The following CTNND2 variants were observed in gnomAD, a reference collection of about 807,000 sequenced individuals.
CTNND2 encodes catenin delta 2, also known as catenin delta-2.
CTNND2 carries 22 observed loss-of-function variants against 144.4 expected under a neutral mutation model. That is an observed-to-expected ratio of 0.15 (90% CI 0.11 to 0.22). The LOEUF (loss-of-function observed/expected upper bound fraction) is 0.22. Among genes scored for constraint, CTNND2 ranks in the 10% least tolerant of loss-of-function variants. CTNND2 has a pLI of 1.00. For synonymous variants in CTNND2, 751 were observed against 695.6 expected (o/e 1.08, Z -1.25); for missense variants, 1,353 against 1,618.8 (o/e 0.84, Z 2.82).
At chr5:11,052,918 T>A (rs1745985590) in intron 16 of CTNND2, among the ~76,000 whole-genome samples, 1 of 152,188 alleles carries the variant, frequency 6.6e-6, no homozygotes, top group African/African-American at 2.4e-5. Context: ...TCTGTGTTCA[T>A]AATGCTTTTT....
At chr5:11,402,250 T>C (rs577472048) in intron 5 of CTNND2, among the ~76,000 whole-genome samples, 17 of 152,300 alleles carry the variant, frequency 1.1e-4, no homozygotes, top group Admixed American at 1.0e-3. Context: ...TCAAAACTCA[T>C]TCTCAAACTT....
chr5:11,644,630 C>T (rs989911843), intron 2 of CTNND2, among the ~76,000 whole-genome samples: 9 of 149,780 alleles, frequency 6.0e-5, no homozygotes, highest in Non-Finnish European at 1.2e-4. Context: ...GCCAAGATCA[C>T]GCCACTGCAC....
intron 17 of CTNND2, among the ~76,000 whole-genome samples, chr5:11,022,116 C>A (rs1742320944): frequency 6.6e-6 from 1 of 152,162 alleles, no homozygotes; most frequent in Non-Finnish European, 1.5e-5. Context: ...GTTCTATCTG[C>A]ACGAAGGCCC....
intron 11 of CTNND2, among the ~76,000 whole-genome samples, chr5:11,162,638 A>G (rs375598602): frequency 1.3e-5 from 2 of 152,162 alleles, no homozygotes; most frequent in African/African-American, 2.4e-5. Flanking sequence ...ATCTCTATCA[A>G]GCAACTTTAT....
At chr5:11,879,387 A>ATATG (rs1735862614) in intron 1 of CTNND2, among the ~76,000 whole-genome samples, 1 of 146,874 alleles carries the variant, frequency 6.8e-6, no homozygotes. Context: ...ACATATACAT[A>ATATG]CATACACATA....
At chr5:11,272,717 A>T (rs1445860217) in intron 9 of CTNND2, among the ~76,000 whole-genome samples, 1 of 152,182 alleles carries the variant, frequency 6.6e-6, no homozygotes, top group Non-Finnish European at 1.5e-5. Flanking sequence ...TCATCATCAA[A>T]TTCTCATTTG....
At chr5:11,749,039 C>A (rs1331231499) in intron 1 of CTNND2, among the ~76,000 whole-genome samples, 1 of 151,920 alleles carries the variant, frequency 6.6e-6, no homozygotes, top group Non-Finnish European at 1.5e-5. Context: ...AAGAGGTCCA[C>A]GTAAGGAAAA....
chr5:11,804,818 T>C (rs1791904166), intron 1 of CTNND2, among the ~76,000 whole-genome samples: 1 of 152,124 alleles, frequency 6.6e-6, no homozygotes, highest in Admixed American at 6.5e-5. Context: ...ACACAAAGAA[T>C]GAAGCTTAAT....
chr5:11,720,599 A>G (rs1561729784), intron 2 of CTNND2, among the ~76,000 whole-genome samples: 1 of 152,176 alleles, frequency 6.6e-6, no homozygotes, highest in South Asian at 2.1e-4. Flanking sequence ...CACCTGCAAC[A>G]TATGTAACTT....
At chr5:11,299,747 G>A (rs1400515228) in intron 9 of CTNND2, among the ~76,000 whole-genome samples, 1 of 152,152 alleles carries the variant, frequency 6.6e-6, no homozygotes, top group Admixed American at 6.6e-5. Flanking sequence ...GAGAACAAGT[G>A]CAAAACCATA....
chr5:11,789,042 T>C (rs1320080528), intron 1 of CTNND2, among the ~76,000 whole-genome samples: 1 of 152,122 alleles, frequency 6.6e-6, no homozygotes, highest in Non-Finnish European at 1.5e-5. Context: ...CCAGTTAGAA[T>C]GGCGATCATT....
intron 18 of CTNND2, among the ~76,000 whole-genome samples, chr5:11,003,991 C>T (rs984904006): frequency 6.6e-6 from 1 of 152,162 alleles, no homozygotes; most frequent in Non-Finnish European, 1.5e-5. Context: ...ATTCAATTTA[C>T]TGCTACTGGG....
intron 2 of CTNND2, among the ~76,000 whole-genome samples, chr5:11,587,893 T>C (rs1778977017): frequency 6.6e-6 from 1 of 152,108 alleles, no homozygotes; most frequent in Non-Finnish European, 1.5e-5. Context: ...ATCAATTTGT[T>C]TCTTTAATCT....
At chr5:11,770,050 G>T (rs1789827162) in intron 1 of CTNND2, among the ~76,000 whole-genome samples, 1 of 152,196 alleles carries the variant, frequency 6.6e-6, no homozygotes, top group African/African-American at 2.4e-5. Flanking sequence ...GAATTTAAAA[G>T]ATGTAATCAG....
At chr5:11,489,120 T>C (rs922406032) in intron 3 of CTNND2, among the ~76,000 whole-genome samples, 1 of 152,302 alleles carries the variant, frequency 6.6e-6, no homozygotes, top group South Asian at 2.1e-4. Context: ...TTATATGAAA[T>C]TGCCAAACTG....
intron 2 of CTNND2, among the ~76,000 whole-genome samples, chr5:11,709,874 T>C (rs930875641): frequency 2.0e-5 from 3 of 152,330 alleles, no homozygotes; most frequent in Admixed American, 1.3e-4. Flanking sequence ...ACAGAAATCA[T>C]GCTCATTTAA....
intron 3 of CTNND2, among the ~76,000 whole-genome samples, chr5:11,473,834 C>T (rs540876516): frequency 6.6e-6 from 1 of 152,340 alleles, no homozygotes; most frequent in East Asian, 1.9e-4. Context: ...CCTGCTATTA[C>T]AATGGGGATG....
intron 1 of CTNND2, among the ~76,000 whole-genome samples, chr5:11,832,346 G>T (rs1369800265): frequency 7.9e-5 from 12 of 151,450 alleles, no homozygotes; most frequent in Admixed American, 7.9e-4. Flanking sequence ...TCAAGAAAAT[G>T]AAAAGACAAG....
chr5:11,571,859 G>T (rs1221635865), intron 2 of CTNND2, among the ~76,000 whole-genome samples: 1 of 152,084 alleles, frequency 6.6e-6, no homozygotes, highest in Non-Finnish European at 1.5e-5. Context: ...CATGAATTGG[G>T]ATGACTTGCA....
Sources: allele counts gnomAD v4.1 joint callset (sites outside exome capture counted in the v4.1 genomes callset), GRCh38; gene constraint gnomAD v4.1.1; transcripts MANE v1.5; gene names NCBI Gene and HGNC (gene_info 2026-07-23, HGNC 2026-07-21).